Variants in FNBP1 observed in about 807,000 individuals in gnomAD.
FNBP1 encodes the protein formin binding protein 1, also known as formin-binding protein 1.
In FNBP1, 26 loss-of-function variants were observed where a neutral mutation model predicts 90.6. The ratio of observed to expected loss-of-function variants is 0.29; its 90% CI spans 0.21 to 0.40. The LOEUF (loss-of-function observed/expected upper bound fraction) is 0.40. FNBP1 is among the 10% of genes least tolerant of loss of function. The pLI, the probability that FNBP1 is intolerant of heterozygous loss-of-function variation, is 1.00. For missense variants in FNBP1, 635 were observed against 768.0 expected (o/e 0.83, Z 2.05); for synonymous variants, 260 against 265.2 (o/e 0.98, Z 0.19).
chr9:129,923,887 GTCATGAAC>G lies in FNBP1; in HGVS notation c.1119_1126del (p.Glu373AspfsTer33). 2 of 1,603,052 alleles carry G rather than the reference GTCATGAAC, an allele frequency of 1.2e-6. No homozygotes were observed. Among genetic ancestry groups the G allele is most frequent in the Non-Finnish European group, 1.7e-6 (2 of 1,175,658 alleles). Reference sequence around the variant, plus strand: ...GAAGCAGTGGATTTTGGGTTTGGAGGTCATGAACTCGTTGAAGCGATGGGAGAGGGGTT... The same window carrying G: ...GAAGCAGTGGATTTTGGGTTTGGAGGTCGTTGAAGCGATGGGAGAGGGGTT... On this transcript the variant is annotated frameshift_variant, in exon 10 of 17. Coordinates refer to ENST00000446176, the MANE Select transcript of FNBP1 (RefSeq NM_015033.3). LOFTEE classifies it high-confidence loss of function.
At chr9:129,950,944 C>T (rs1188989063) in intron 6 of FNBP1, among the ~76,000 whole-genome samples, 1 of 144,696 alleles carries the variant, frequency 6.9e-6, no homozygotes, top group East Asian at 2.0e-4. Flanking sequence ...CAGGTGCAAA[C>T]CATCACGCTC....
chr9:129,922,758 G>C (rs1176912931), intron 10 of FNBP1, among the ~76,000 whole-genome samples: 2 of 152,142 alleles, frequency 1.3e-5, no homozygotes, highest in African/African-American at 4.8e-5. Flanking sequence ...TTTCGACCCT[G>C]AGGCATAGCT....
chr9:129,895,520 C>T (rs888896884), intron 16 of FNBP1: 1 of 1,185,102 alleles, frequency 8.4e-7, no homozygotes, highest in African/African-American at 1.6e-5. Context: ...TACAATGCAA[C>T]TTTTTTTTTA....
intron 2 of FNBP1, among the ~76,000 whole-genome samples, chr9:129,985,654 A>G (rs1440077166): frequency 2.0e-5 from 3 of 152,136 alleles, no homozygotes; most frequent in Non-Finnish European, 4.4e-5. Context: ...TGTCTCTACT[A>G]AAAATACAAA....
Position 129,905,314 on chromosome 9 carries a change from T to TATATATATATA in FNBP1, c.1296-2314_1296-2313insTATATATATAT, listed in dbSNP as rs1564282833. Reference sequence around the variant, plus strand: ...TGTGTGTATATATATATATATATATTTTGTTAATTATTTTTGAGATAGGGT... The same window carrying TATATATATATA: ...TGTGTGTATATATATATATATATATTATATATATATATTGTTAATTATTTTTGAGATAGGGT... On this transcript the variant is annotated intron_variant, in intron 12 of 16. Coordinates refer to ENST00000446176, the MANE Select transcript of FNBP1 (RefSeq NM_015033.3). 4.7e-4 allele frequency among the ~76,000 whole-genome samples: 23 copies of TATATATATATA among 48,836 alleles called. No individual in the cohort carries two copies. The East Asian group carries it at 0.011, about 23-fold the overall frequency. The allele number at this position is 48,836 out of a possible 152,430, so 32.0% of individuals were successfully genotyped here. A position where few individuals can be genotyped will look rare whatever the true frequency, so the allele number is the denominator to read the frequency against.
chr9:129,930,081 G>C (rs1147383), intron 6 of FNBP1, among the ~76,000 whole-genome samples: 1 of 146,344 alleles, frequency 6.8e-6, no homozygotes, highest in Non-Finnish European at 1.5e-5. Flanking sequence ...CTTTTTTTGA[G>C]ACCAGGTCTC....
chr9:129,911,888 C>G (rs565227602), intron 11 of FNBP1, among the ~76,000 whole-genome samples: 2 of 149,160 alleles, frequency 1.3e-5, no homozygotes, highest in African/African-American at 5.0e-5. Context: ...GCCAAGATCA[C>G]GCCATTACAC....
intron 1 of FNBP1, among the ~76,000 whole-genome samples, chr9:130,024,252 C>A (rs995612878): frequency 6.6e-6 from 1 of 151,656 alleles, no homozygotes; most frequent in Non-Finnish European, 1.5e-5. Context: ...TCTACCCCCC[C>A]CAAAAAAACA....
At chr9:130,014,064 CA>C (rs1043689139) in intron 1 of FNBP1, 12 of 456,280 alleles carry the variant, frequency 2.6e-5, no homozygotes, top group Admixed American at 9.4e-5. Flanking sequence ...CAAAAATAGG[CA>C]AAACTAAACA....
intron 11 of FNBP1, chr9:129,910,053 T>C: frequency 2.3e-6 from 1 of 435,948 alleles, no homozygotes; most frequent in Non-Finnish European, 4.6e-6. Context: ...GCAGCTGCTC[T>C]CTTTACACTG....
chr9:130,024,738 T>G (rs2058173847), intron 1 of FNBP1, among the ~76,000 whole-genome samples: 1 of 152,206 alleles, frequency 6.6e-6, no homozygotes. Flanking sequence ...GTTTTTCATT[T>G]CCATCAGGTG....
At chr9:130,029,271 T>G (rs918854192) in intron 1 of FNBP1, among the ~76,000 whole-genome samples, 1 of 152,042 alleles carries the variant, frequency 6.6e-6, no homozygotes, top group Non-Finnish European at 1.5e-5. Context: ...TCCTCCCAAC[T>G]CAGCCACCTC....
At chr9:129,982,339 C>G (rs911143459) in intron 2 of FNBP1, among the ~76,000 whole-genome samples, 1 of 152,068 alleles carries the variant, frequency 6.6e-6, no homozygotes, top group African/African-American at 2.4e-5. Context: ...GGCATGGTGG[C>G]GCATGCCTGT....
At position 130,004,900 on chromosome 9, in the gene FNBP1, T is replaced by C. The variant is rs200160854; in HGVS notation, c.25-9942A>G. On this transcript the variant is annotated intron_variant, in intron 1 of 16. Transcript: ENST00000446176. The stretch of plus-strand genomic sequence containing the variant: ...GGCCAACATGGTGAAACCCTGTCTC[T>C]ACTAAAAACACAAAAATTAGCCATG... Among the ~76,000 whole-genome samples, 7 of 152,026 alleles carry C rather than the reference T, an allele frequency of 4.6e-5. No homozygotes were observed. The East Asian group carries it at 1.2e-3, about 25-fold the overall frequency.
chr9:129,910,285 A>T, intron 11 of FNBP1: 1 of 432,944 alleles, frequency 2.3e-6, no homozygotes. Context: ...GTTTGAGACC[A>T]GCCTGGCCAA....
rs891463417 is a variant in FNBP1, at chr9:130,031,511, C to G, written c.24+11441G>C. Among the ~76,000 whole-genome samples, 13 of 152,160 alleles carry G rather than the reference C, an allele frequency of 8.5e-5. No individual in the cohort carries two copies. The East Asian group carries it at 2.5e-3, about 29-fold the overall frequency. On this transcript the variant is annotated intron_variant, in intron 1 of 16. Coordinates refer to ENST00000446176, the MANE Select transcript of FNBP1 (RefSeq NM_015033.3). This position sits in a 1 kb window ranked among gnomAD's most constrained non-coding sequence, Gnocchi z 4.2. Reference sequence around the variant, plus strand: ...CCGGAAGGCTCTGTCCAGATCCCCTCCACCCTTCTGAACACCCCACTTCAC... The same window carrying G: ...CCGGAAGGCTCTGTCCAGATCCCCTGCACCCTTCTGAACACCCCACTTCAC...
intron 11 of FNBP1, 43 bp downstream of exon 11, chr9:129,915,923 A>T (rs376929998): frequency 1.1e-5 from 16 of 1,512,834 alleles, no homozygotes; most frequent in Non-Finnish European, 1.5e-5. Flanking sequence ...CACGCCAGAA[A>T]ACCTGATTAG....
rs200418146 is a variant in FNBP1 at position 129,957,395 on chromosome 9, C to T, written c.478G>A (p.Ala160Thr). Residue 160 changes from alanine to threonine, a missense_variant, in exon 6 of 17, where the codon GCT becomes ACT. By Grantham distance (58) the Ala-to-Thr change is moderately conservative. Coordinates refer to ENST00000446176, the MANE Select transcript of FNBP1 (RefSeq NM_015033.3). This position sits in a 1 kb window ranked among gnomAD's most constrained non-coding sequence, Gnocchi z 4.3. ...RAQQYFEKMDADINVTKADVE... is the reference protein window; with the variant it reads ...RAQQYFEKMDTDINVTKADVE... ...TCCGCTTTTGTGACATTGATGTCAG[C>T]GTCCATTTTCTCAAAGTACTGCTGC... 13 of 1,613,478 alleles carry T rather than the reference C, an allele frequency of 8.1e-6. No individual in the cohort carries two copies. The East Asian group carries it at 1.6e-4, about 19-fold the overall frequency.
chr9:129,996,069 C>A (rs999245605), intron 1 of FNBP1, among the ~76,000 whole-genome samples: 8 of 152,152 alleles, frequency 5.3e-5, no homozygotes, highest in Non-Finnish European at 1.0e-4. Flanking sequence ...TCCAGAGTGA[C>A]TTTCAGGTTC....
Sources: gnomAD v4.1 joint callset for allele counts (sites outside exome capture counted in the v4.1 genomes callset) on GRCh38, gnomAD v4.1.1 for gene constraint, Gnocchi (gnomAD v3.1) non-coding constraint, MANE v1.5 for transcripts, NCBI Gene and HGNC (gene_info 2026-07-23, HGNC 2026-07-21) for gene names.